Variants in GABRB2 observed in about 807,000 individuals in gnomAD.
GABRB2 encodes gamma-aminobutyric acid type A receptor subunit beta2.
In GABRB2, 16 loss-of-function variants were observed where a neutral mutation model predicts 54.7. The ratio of observed to expected loss-of-function variants is 0.29; its 90% confidence interval spans 0.20 to 0.44. The LOEUF is 0.44. Ranked by LOEUF, GABRB2 falls within the 20% of genes least tolerant of loss-of-function variation. The pLI is 1.00. For synonymous variants in GABRB2, 244 were observed against 233.8 expected (o/e 1.04, Z -0.40); for missense variants, 355 against 644.0 (o/e 0.55, Z 4.86).
At chr5:161,300,308 C>T (rs181704401) in intron 9 of GABRB2, among the ~76,000 whole-genome samples, 47 of 152,192 alleles carry the variant, frequency 3.1e-4, no homozygotes, top group African/African-American at 1.0e-3. Flanking sequence ...TCCTTTTTCT[C>T]CTTTGAAATA....
At chr5:161,469,845 C>A (rs1034743488) in intron 3 of GABRB2, among the ~76,000 whole-genome samples, 1 of 151,904 alleles carries the variant, frequency 6.6e-6, no homozygotes, top group African/African-American at 2.4e-5. Context: ...AGTACAAGCT[C>A]CTTACAAAGC....
At chr5:161,460,258 T>TTATATA (rs148478159) in intron 3 of GABRB2, among the ~76,000 whole-genome samples, 4,842 of 148,670 alleles carry the variant, frequency 0.033, 235 homozygotes, top group African/African-American at 0.11. Flanking sequence ...GAAAACAAAT[T>TTATATA]TATATATATA....
At chr5:161,344,513 GT>G (rs1388661341) in intron 5 of GABRB2, among the ~76,000 whole-genome samples, 5 of 151,416 alleles carry the variant, frequency 3.3e-5, no homozygotes, top group African/African-American at 9.7e-5. Context: ...GGTACTATTT[GT>G]TTTTTTAAAA....
chr5:161,357,546 G>T (rs1430072535), intron 5 of GABRB2, among the ~76,000 whole-genome samples: 1 of 150,822 alleles, frequency 6.6e-6, no homozygotes, highest in Admixed American at 6.6e-5. Flanking sequence ...GATATGATCT[G>T]GCCTGTGTGT....
intron 5 of GABRB2, among the ~76,000 whole-genome samples, chr5:161,338,040 C>T (rs1312221230): frequency 6.6e-6 from 1 of 152,070 alleles, no homozygotes; most frequent in South Asian, 2.1e-4. Flanking sequence ...GAATCTTAGC[C>T]CCAGATGATT....
intron 5 of GABRB2, among the ~76,000 whole-genome samples, chr5:161,366,379 T>C (rs1383870569): frequency 6.6e-6 from 1 of 152,138 alleles, no homozygotes; most frequent in Non-Finnish European, 1.5e-5. Flanking sequence ...CAAGTGATTG[T>C]TCTCCACATT....
chr5:161,313,549 G>A (rs567020548), intron 9 of GABRB2, among the ~76,000 whole-genome samples: 33 of 149,798 alleles, frequency 2.2e-4, no homozygotes, highest in African/African-American at 5.2e-4. Context: ...ACTGACTGCC[G>A]TTAGACTGAG....
intron 3 of GABRB2, among the ~76,000 whole-genome samples, chr5:161,527,811 A>G (rs1165819218): frequency 6.6e-6 from 1 of 151,192 alleles, no homozygotes; most frequent in Non-Finnish European, 1.5e-5. Context: ...GAATGTATAT[A>G]CTGACAGAAA....
chr5:161,459,614 G>C lies in GABRB2; in HGVS notation c.458+10C>G. The C allele has an allele frequency of 6.2e-7, 1 of 1,607,680 alleles. No individual in the cohort carries two copies. Among genetic ancestry groups the C allele is most frequent in the Non-Finnish European group, 8.5e-7 (1 of 1,174,262 alleles). ...AGGAAAAGTTATATTTTGAATTGGG[G>C]ACAACAGACCTGAGTCCATAAAGGA... is the stretch of plus-strand genomic sequence containing the variant. On this transcript the variant is annotated intron_variant, in intron 4 of 9. Transcript: ENST00000393959.
chr5:161,474,613 G>T (rs763418269), intron 3 of GABRB2, among the ~76,000 whole-genome samples: 1 of 151,810 alleles, frequency 6.6e-6, no homozygotes, highest in Non-Finnish European at 1.5e-5. Context: ...CAGAAGAATA[G>T]GTATCAATGT....
At chr5:161,427,425 T>C (rs1368298517) in intron 4 of GABRB2, among the ~76,000 whole-genome samples, 1 of 152,122 alleles carries the variant, frequency 6.6e-6, no homozygotes, top group East Asian at 1.9e-4. Context: ...AGATTTTCCT[T>C]TCTGGAGATG....
intron 4 of GABRB2, among the ~76,000 whole-genome samples, chr5:161,438,658 GAGA>G (rs1757377761): frequency 1.3e-5 from 2 of 152,130 alleles, no homozygotes; most frequent in South Asian, 2.1e-4. Flanking sequence ...AGATAACACA[GAGA>G]AGAAGTTCAG....
At chr5:161,366,621 A>T (rs1754980395) in intron 5 of GABRB2, among the ~76,000 whole-genome samples, 1 of 152,144 alleles carries the variant, frequency 6.6e-6, no homozygotes, top group Admixed American at 6.6e-5. Flanking sequence ...CCACGCAAAA[A>T]TGCATGAATG....
chr5:161,533,514 A>G (rs1403744973), intron 3 of GABRB2, among the ~76,000 whole-genome samples: 1 of 152,164 alleles, frequency 6.6e-6, no homozygotes, highest in Admixed American at 6.5e-5. Context: ...AGCTTAAAAA[A>G]TAGATTTCAT....
At chr5:161,531,187 C>A (rs1269138501) in intron 3 of GABRB2, among the ~76,000 whole-genome samples, 2 of 152,094 alleles carry the variant, frequency 1.3e-5, no homozygotes, top group Non-Finnish European at 2.9e-5. Context: ...GGCACCTGCT[C>A]ACTCATATTT....
chr5:161,481,391 C>T (rs1173088336), intron 3 of GABRB2, among the ~76,000 whole-genome samples: 1 of 151,998 alleles, frequency 6.6e-6, no homozygotes, highest in African/African-American at 2.4e-5. Context: ...CTCATACGTA[C>T]TACTGAAAAG....
intron 4 of GABRB2, among the ~76,000 whole-genome samples, chr5:161,415,443 A>G (rs1388637177): frequency 6.6e-6 from 1 of 152,204 alleles, no homozygotes; most frequent in African/African-American, 2.4e-5. Flanking sequence ...GAGCAAGAAA[A>G]CAAATACATA....
At chr5:161,496,922 A>G (rs901134178) in intron 3 of GABRB2, among the ~76,000 whole-genome samples, 6 of 152,130 alleles carry the variant, frequency 3.9e-5, no homozygotes, top group African/African-American at 1.4e-4. Flanking sequence ...CCCATATCAA[A>G]TTTACTAAAA....
At chr5:161,367,890 G>T (rs1423710649) in intron 5 of GABRB2, among the ~76,000 whole-genome samples, 2 of 151,984 alleles carry the variant, frequency 1.3e-5, no homozygotes, top group East Asian at 1.9e-4. Context: ...CATTCTAATG[G>T]GAGATTTTCA....
Sources: gnomAD v4.1 joint callset for allele counts (sites outside exome capture counted in the v4.1 genomes callset) on GRCh38, gnomAD v4.1.1 for gene constraint, MANE v1.5 for transcripts, NCBI Gene and HGNC (gene_info 2026-07-23, HGNC 2026-07-21) for gene names.